RABGAP1L: variants seen among roughly 807,000 people sequenced by gnomAD.
The protein encoded by RABGAP1L is rab GTPase-activating protein 1-like.
RABGAP1L carries 63 observed loss-of-function variants against 137.7 expected under a neutral mutation model. The ratio of observed to expected loss-of-function variants is 0.46; its 90% confidence interval spans 0.37 to 0.56. The LOEUF is 0.56. Among genes scored for constraint, RABGAP1L ranks in the 20% least tolerant of loss-of-function variants. The pLI is 0.00. For missense variants in RABGAP1L, 1,095 were observed against 1,244.0 expected, an observed-to-expected ratio of 0.88 and a Z score of 1.80; for synonymous variants, 431 against 433.7, an observed-to-expected ratio of 0.99 and a Z score of 0.08.
intron 14 of RABGAP1L, among the ~76,000 whole-genome samples, chr1:174,648,277 G>T (rs1215475959): frequency 6.6e-6 from 1 of 151,934 alleles, no homozygotes; most frequent in Non-Finnish European, 1.5e-5. Flanking sequence ...TGCTTCCCTA[G>T]TTCTTTTAAT....
At chr1:174,471,599 C>T (rs1267566909) in intron 13 of RABGAP1L, among the ~76,000 whole-genome samples, 1 of 152,192 alleles carries the variant, frequency 6.6e-6, no homozygotes, top group Non-Finnish European at 1.5e-5. Context: ...AAGCAAACCA[C>T]ATTCAGGTGT....
intron 13 of RABGAP1L, among the ~76,000 whole-genome samples, chr1:174,599,873 G>C (rs190900662): frequency 1.3e-5 from 2 of 152,106 alleles, no homozygotes; most frequent in Admixed American, 1.3e-4. Context: ...TCTTTCTCTA[G>C]GTTTGGAATG....
chr1:174,649,823 A>T (rs1396356350), intron 14 of RABGAP1L, among the ~76,000 whole-genome samples: 1 of 152,068 alleles, frequency 6.6e-6, no homozygotes, highest in East Asian at 1.9e-4. Flanking sequence ...AATACCCTTT[A>T]TTTCCTTCTC....
At chr1:174,468,941 C>T (rs1406761406) in intron 13 of RABGAP1L, among the ~76,000 whole-genome samples, 1 of 152,156 alleles carries the variant, frequency 6.6e-6, no homozygotes, top group Non-Finnish European at 1.5e-5. Flanking sequence ...GTAGATTACA[C>T]TGCTAATCAT....
intron 11 of RABGAP1L, among the ~76,000 whole-genome samples, chr1:174,349,049 G>GGGGC (rs1553278369): frequency 6.8e-6 from 1 of 147,580 alleles, no homozygotes; most frequent in East Asian, 2.0e-4. Flanking sequence ...CCGGGCGGGG[G>GGGGC]GGGGGCTGAC....
rs768299913 is a variant in RABGAP1L, at chr1:174,964,990, GT to G, written c.2434-4277del. 1,013 of 1,344,196 alleles carry G rather than the reference GT, an allele frequency of 7.5e-4. 1 individual carries two copies. The highest frequency in any genetic ancestry group is 1.8e-3 in the Admixed American group (79 of 44,766). The allele number at this position is 1,344,196 out of a possible 1,614,324, so 83.3% of individuals were successfully genotyped here. On this transcript the variant is annotated intron_variant, in intron 20 of 25. Coordinates refer to ENST00000681986, the MANE Select transcript of RABGAP1L (RefSeq NM_001366446.1). ...TGGTCTATGACTTTTGAGGAGGTAA[GT>G]TTTTTTTTTAATCTATGTATGTCTG...
chr1:174,655,732 C>T (rs750624737), intron 14 of RABGAP1L, among the ~76,000 whole-genome samples: 3 of 152,150 alleles, frequency 2.0e-5, no homozygotes, highest in Non-Finnish European at 4.4e-5. Flanking sequence ...CATGAATTCT[C>T]ATTTTATTCA....
At chr1:174,787,450 A>G (rs919757365) in intron 18 of RABGAP1L, among the ~76,000 whole-genome samples, 1 of 152,082 alleles carries the variant, frequency 6.6e-6, no homozygotes, top group East Asian at 1.9e-4. Context: ...GACTCTTGAA[A>G]GATTAGCAAG....
At chr1:174,490,979 C>T (rs541983748) in intron 13 of RABGAP1L, among the ~76,000 whole-genome samples, 2 of 152,284 alleles carry the variant, frequency 1.3e-5, no homozygotes, top group East Asian at 3.9e-4. Context: ...GGGCTCCCCT[C>T]TGGCCCATGG....
At chr1:174,976,232 G>A (rs1274898512) in intron 22 of RABGAP1L, 50 bp downstream of exon 22, 1 of 1,367,996 alleles carries the variant, frequency 7.3e-7, no homozygotes, top group African/African-American at 1.5e-5. Flanking sequence ...TGTTGGTAGG[G>A]AATTAACACT....
At chr1:174,610,781 T>A (rs932044211) in intron 13 of RABGAP1L, among the ~76,000 whole-genome samples, 11 of 152,222 alleles carry the variant, frequency 7.2e-5, no homozygotes, top group Non-Finnish European at 5.9e-5. Context: ...ATTGTGGTTT[T>A]GATTTGCATT....
At chr1:174,867,099 A>G (rs528386216) in intron 19 of RABGAP1L, among the ~76,000 whole-genome samples, 1 of 150,816 alleles carries the variant, frequency 6.6e-6, no homozygotes, top group East Asian at 2.0e-4. Flanking sequence ...AAAATGATAG[A>G]TAGCCAGCCA....
chr1:174,598,365 C>G (rs2148158637), intron 13 of RABGAP1L, among the ~76,000 whole-genome samples: 1 of 148,382 alleles, frequency 6.7e-6, no homozygotes, highest in South Asian at 2.1e-4. Context: ...TCTTTGAGAT[C>G]TATGCACTGA....
chr1:174,823,388 G>A (rs1213309841), intron 19 of RABGAP1L, among the ~76,000 whole-genome samples: 2 of 152,082 alleles, frequency 1.3e-5, no homozygotes, highest in South Asian at 2.1e-4. Context: ...ACCATTTACC[G>A]TGATTCTACA....
rs150517419 is a variant in RABGAP1L at position 174,394,018 on chromosome 1, C to T, written c.1583C>T (p.Pro528Leu). The change falls in exon 13 of 26, where the codon CCG becomes CTG. Residue 528 changes from proline (P) to leucine (L), a missense_variant. Pro to Leu is a moderately conservative substitution (Grantham distance 98, BLOSUM62 -3). Around this residue, in one of 4 missense-constraint regions of RABGAP1L, gnomAD observed 315 missense variants for 324.8 expected, o/e 0.97. Transcript: ENST00000681986. ...GKWHSNLGARPKGLSTLVKSG... is the reference protein window; with the variant it reads ...GKWHSNLGARLKGLSTLVKSG... The stretch of plus-strand genomic sequence containing the variant: ...AGGCACAGTAACCTTGGTGCACGAC[C>T]GAAAGGGCTGTCTACTCTGGTGAAG... 26 of 1,613,234 alleles carry T rather than the reference C, an allele frequency of 1.6e-5. No homozygotes were observed. The highest frequency in any genetic ancestry group is 3.3e-5 in the South Asian group (3 of 90,976).
chr1:174,510,975 G>T (rs143480746), intron 13 of RABGAP1L, among the ~76,000 whole-genome samples: 1 of 152,240 alleles, frequency 6.6e-6, no homozygotes, highest in East Asian at 1.9e-4. Flanking sequence ...CTTTAGGCAA[G>T]AAGCAAAAGC....
chr1:174,297,201 A>G (rs1183077851), intron 10 of RABGAP1L, among the ~76,000 whole-genome samples: 1 of 152,134 alleles, frequency 6.6e-6, no homozygotes. Context: ...AAAACATAGA[A>G]ATTTATTTAA....
chr1:174,618,492 G>C (rs1051793459), intron 13 of RABGAP1L, among the ~76,000 whole-genome samples: 1 of 152,180 alleles, frequency 6.6e-6, no homozygotes, highest in East Asian at 1.9e-4. Context: ...ACCAATATCT[G>C]CTGTTCTGCA....
rs371829411 is a variant in RABGAP1L at position 174,411,486 on chromosome 1, T to C, written c.1710+17341T>C. 2.0e-5 allele frequency among the ~76,000 whole-genome samples: 3 copies of C among 152,184 alleles called. No individual in the cohort carries two copies. In the South Asian group the frequency reaches 6.2e-4, roughly 31 times the overall value. ...AAAGCTTTTTTCACATTTATTGAGA[T>C]GATCACATGGCTTTTGTTTTTGTTT... On this transcript the variant is annotated intron_variant, in intron 13 of 25. Coordinates refer to ENST00000681986, the MANE Select transcript of RABGAP1L (RefSeq NM_001366446.1).
Sources: allele counts gnomAD v4.1 joint callset (sites outside exome capture counted in the v4.1 genomes callset), GRCh38; gene constraint gnomAD v4.1.1; regional missense constraint gnomAD v4.1.1; transcripts MANE v1.5; gene names NCBI Gene and HGNC (gene_info 2026-07-23, HGNC 2026-07-21).